The following ABCB6 variants were observed in gnomAD, a reference collection of about 807,000 sequenced individuals.
ABCB6 encodes ATP-binding cassette sub-family B member 6.
A neutral mutation model predicts 99.4 loss-of-function variants in ABCB6; 87 were observed. The observed-to-expected ratio is 0.88, with a 90% confidence interval of 0.74 to 1.05. The LOEUF is 1.05. Among genes scored for constraint, ABCB6 ranks in the 50% least tolerant of loss-of-function variants. The pLI, the probability that ABCB6 is intolerant of heterozygous loss-of-function variation, is 0.00. For missense variants in ABCB6, 1,050 were observed against 1,097.9 expected (o/e 0.96, Z 0.62); for synonymous variants, 482 against 447.5 (o/e 1.08, Z -0.97).
rs1316882179 is a variant in ABCB6 at position 219,217,795 on chromosome 2, G to A, written c.562C>T (p.Leu188=). ...ADLGQQVQFS[L]WVLRYVVSGG... is the part of the protein sequence containing the mutation. ...GAGACCACATACCGCAGCACCCACA[G>A]GCTAAACTGAACCTAGAATGAAATA... Residue 188 remains leucine (L), a synonymous_variant, in exon 2 of 19, where the codon CTG becomes TTG. Transcript: ENST00000265316. The A allele has an allele frequency of 6.2e-7, 1 of 1,611,686 alleles. No individual in the cohort carries two copies. Among genetic ancestry groups the A allele is most frequent in the Non-Finnish European group, 8.5e-7 (1 of 1,179,332 alleles).
Position 219,214,413 on chromosome 2 carries a change from C to T in ABCB6, c.1362G>A (p.Val454=), listed in dbSNP as rs1950615056. Residue 454 remains valine (V), a synonymous_variant, in exon 7 of 19, where the codon GTG becomes GTA. Transcript: ENST00000265316. ...CCGTCTCGAAGTTTAGCAGAGAGTC[C>T]ACTGCTCGTGCCCGGGTAGCGTTCT... ...TQENATRARA[V]DSLLNFETVK... 6.2e-7 allele frequency: 1 copy of T among 1,614,170 alleles called. No homozygotes were observed. Among genetic ancestry groups the T allele is most frequent in the African/African-American group, 1.3e-5 (1 of 75,054 alleles).
rs775010458 is a variant in ABCB6 at position 219,218,389 on chromosome 2, C to T, written c.285G>A (p.Val95=). The change falls in exon 1 of 19, where the codon GTG becomes GTA. Residue 95 remains valine, a synonymous_variant. Coordinates refer to ENST00000265316, the MANE Select transcript of ABCB6 (RefSeq NM_005689.4). ...ALPLAGLAGR[V]GTARGAPLPS... ...GCAGTGGGGCCCCCCGGGCAGTGCC[C>T]ACCCGGCCAGCCAGGCCGGCCAGGG... 1.2e-6 allele frequency: 2 copies of T among 1,612,384 alleles called. No individual in the cohort carries two copies. Among genetic ancestry groups the T allele is most frequent in the Non-Finnish European group, 1.7e-6 (2 of 1,179,644 alleles).
chr2:219,213,811 A>G lies in ABCB6; in HGVS notation c.1578+15T>C. ...TTCCTTGTGCCCCACTCTCTCATCC[A>G]AGATCCTGCCTCACCTGTAGCTTCT... On this transcript the variant is annotated intron_variant, in intron 9 of 18. Coordinates refer to ENST00000265316, the MANE Select transcript of ABCB6 (RefSeq NM_005689.4). 3 of 1,613,952 alleles carry G rather than the reference A, an allele frequency of 1.9e-6. No individual in the cohort carries two copies. Among genetic ancestry groups the G allele is most frequent in the Non-Finnish European group, 2.5e-6 (3 of 1,179,956 alleles).
At chr2:219,215,376 T>C (rs1301783509) in intron 5 of ABCB6, 1 of 331,832 alleles carries the variant, frequency 3.0e-6, no homozygotes, top group East Asian at 6.9e-5. Context: ...ACCATTTGTT[T>C]TAGGAAAAAC....
chr2:219,210,060 A>C lies in ABCB6; in HGVS notation c.2421-14T>G, dbSNP rs765654061. ...AGAGCCTCGTGTCTGGGGTGAGGAGAAAAGTGTGAGTCCTAACCATTAGTT... is the reference window on the plus strand; with the variant it reads ...AGAGCCTCGTGTCTGGGGTGAGGAGCAAAGTGTGAGTCCTAACCATTAGTT... On this transcript the variant is annotated splice_polypyrimidine_tract_variant and intron_variant, in intron 18 of 18. Coordinates refer to ENST00000265316, the MANE Select transcript of ABCB6 (RefSeq NM_005689.4). 3.7e-6 allele frequency: 6 copies of C among 1,612,400 alleles called. No homozygotes were observed. The highest frequency in any genetic ancestry group is 5.1e-6 in the Non-Finnish European group (6 of 1,178,728).
rs1236424213 is a variant in ABCB6, at chr2:219,218,950, C to A, written c.-277G>T. On this transcript the variant is annotated 5_prime_UTR_variant, in exon 1 of 19. Coordinates refer to ENST00000265316, the MANE Select transcript of ABCB6 (RefSeq NM_005689.4). ...GGGACCCTCCTGCCAACTGCAGGCC[C>A]ACGGGAATGCTCGGTGTTGGACTCG... The A allele has an allele frequency of 4.8e-6, 2 of 412,706 alleles. No individual in the cohort carries two copies. Among genetic ancestry groups the A allele is most frequent in the Non-Finnish European group, 8.7e-6 (2 of 230,970 alleles). 25.6% of individuals were successfully genotyped at this position (412,706 alleles called of 1,614,324 possible). A position where few individuals can be genotyped will look rare whatever the true frequency, so the allele number is the denominator to read the frequency against.
At position 219,210,691 on chromosome 2, in the gene ABCB6, G is replaced by T. The variant is rs1389646155; in HGVS notation, c.2256+20C>A. On this transcript the variant is annotated intron_variant, in intron 16 of 18. Transcript: ENST00000265316. ...GAGCATACACAAGGCAGGAAGGAGG[G>T]GAGGAGACCCAGGGCGCACCTCATC... 1 of 1,613,164 alleles carries T rather than the reference G, an allele frequency of 6.2e-7. No homozygotes were observed. Among genetic ancestry groups the T allele is most frequent in the Non-Finnish European group, 8.5e-7 (1 of 1,179,836 alleles).
intron 6 of ABCB6, 59 bp from the exon 7 acceptor site, chr2:219,214,557 A>C: frequency 1.6e-6 from 2 of 1,260,800 alleles, no homozygotes; most frequent in Non-Finnish European, 2.3e-6. Context: ...CAGAGACCAA[A>C]TGTCAATGTC....
chr2:219,217,888 G>A, intron 1 of ABCB6, 81 bp from the exon 2 acceptor site: 1 of 1,531,448 alleles, frequency 6.5e-7, no homozygotes. Flanking sequence ...GCCGGGGACT[G>A]GTGTCATGAA....
rs769298194 is a variant in ABCB6, at chr2:219,213,318, G to A, written c.1728C>T (p.Asp576=). Residue 576 remains aspartate, a synonymous_variant, in exon 12 of 19, where the codon GAC becomes GAT. Coordinates refer to ENST00000265316, the MANE Select transcript of ABCB6 (RefSeq NM_005689.4). ...AGCGAAGGGGCCCTGCTCCAGGAAG[G>A]TCCTTCACCTGGAAGGGCACCACCC... is the stretch of plus-strand genomic sequence containing the variant. The part of the protein sequence containing the change: ...DLLKEETEVK[D]LPGAGPLRFQ... 8.1e-6 allele frequency: 13 copies of A among 1,613,918 alleles called. No individual in the cohort carries two copies. The East Asian group carries it at 2.0e-4, about 25-fold the overall frequency.
Position 219,211,023 on chromosome 2 carries a change from C to T in ABCB6, c.2054G>A (p.Arg685His), listed in dbSNP as rs769593420. The change falls in exon 15 of 19, where the codon CGT (arginine) becomes CAT (histidine). Residue 685 changes from arginine to histidine, a missense_variant. By Grantham distance (29) the Arg-to-His change is conservative. Coordinates refer to ENST00000265316, the MANE Select transcript of ABCB6 (RefSeq NM_005689.4). ...LFNDTIADNIRYGRVTAGNDE... is the reference protein window; with the variant it reads ...LFNDTIADNIHYGRVTAGNDE... ...ATTCCCAGCTGTGACACGGCCGTAA[C>T]GGATATTGTCGGCGATGGTGTCATT... is the stretch of plus-strand genomic sequence containing the variant. 2.5e-5 allele frequency: 41 copies of T among 1,613,988 alleles called. No homozygotes were observed. Among genetic ancestry groups the T allele is most frequent in the South Asian group, 2.0e-4 (18 of 91,078 alleles).
intron 5 of ABCB6, 65 bp from the exon 6 acceptor site, chr2:219,215,147 G>GGCA: frequency 6.2e-7 from 1 of 1,600,588 alleles, no homozygotes; most frequent in Non-Finnish European, 8.5e-7. Flanking sequence ...CCTGCCTCTA[G>GGCA]GCATTTCAGG....
At chr2:219,215,405 G>A (rs1950627470) in intron 5 of ABCB6, 2 of 295,386 alleles carry the variant, frequency 6.8e-6, no homozygotes, top group Non-Finnish European at 1.3e-5. Context: ...TGCCATATTA[G>A]TTCTGTGAGT....
At chr2:219,215,894 A>G (rs1425024380) in intron 5 of ABCB6, 103 bp downstream of exon 5, 1 of 1,258,000 alleles carries the variant, frequency 7.9e-7, no homozygotes, top group East Asian at 2.6e-5. Flanking sequence ...CCAAGGTGGG[A>G]GCGGCAGCTT....
chr2:219,214,100 G>A, intron 8 of ABCB6, 21 bp downstream of exon 8: 2 of 1,613,712 alleles, frequency 1.2e-6, no homozygotes, highest in Non-Finnish European at 1.7e-6. Flanking sequence ...TTCTCCGGAG[G>A]CCTCAAACTA....
In ABCB6 at chr2:219,216,930, G is replaced by A. The variant is rs975774668; in HGVS notation, c.688-98C>T. 9.0e-7 allele frequency: 1 copy of A among 1,109,372 alleles called. No homozygotes were observed. Among genetic ancestry groups the A allele is most frequent in the Non-Finnish European group, 1.3e-6 (1 of 798,556 alleles). The allele number at this position is 1,109,372 out of a possible 1,614,324, so 68.7% of individuals were successfully genotyped here. A position where few individuals can be genotyped will look rare whatever the true frequency, so the allele number is the denominator to read the frequency against. ...AAAACCTATGGGGTTACAGCTCCCA[G>A]GTATCTCAGACCCACAAGTGATCCT... On this transcript the variant is annotated intron_variant, in intron 2 of 18. Transcript: ENST00000265316. This position sits in a 1 kb window ranked among gnomAD's most constrained non-coding sequence, Gnocchi z 4.2.
intron 14 of ABCB6, 58 bp downstream of exon 14, chr2:219,212,329 C>G: frequency 6.8e-7 from 1 of 1,466,682 alleles, no homozygotes; most frequent in Non-Finnish European, 9.6e-7. Flanking sequence ...ACAGCCAGCC[C>G]TTATCATTCC....
chr2:219,212,503 G>A lies in ABCB6; in HGVS notation c.1864-12C>T, dbSNP rs749927798. Reference sequence around the variant, plus strand: ...CCAGATGGGCCCACCTGTTGCATTGGAAATGGGAAAAATCTCAGGCCCACT... The same window carrying A: ...CCAGATGGGCCCACCTGTTGCATTGAAAATGGGAAAAATCTCAGGCCCACT... On this transcript the variant is annotated splice_polypyrimidine_tract_variant and intron_variant, in intron 13 of 18. Coordinates refer to ENST00000265316, the MANE Select transcript of ABCB6 (RefSeq NM_005689.4). 3 of 1,609,150 alleles carry A rather than the reference G, an allele frequency of 1.9e-6. No homozygotes were observed. Among genetic ancestry groups the A allele is most frequent in the Admixed American group, 3.4e-5 (2 of 59,682 alleles).
intron 16 of ABCB6, 77 bp downstream of exon 16, chr2:219,210,634 T>C (rs761872534): frequency 1.4e-5 from 23 of 1,607,222 alleles, no homozygotes; most frequent in Non-Finnish European, 2.0e-5. Context: ...GTATCTGTTC[T>C]AGGTGGGGAC....
Sources: gnomAD v4.1 joint callset for allele counts on GRCh38, gnomAD v4.1.1 for gene constraint, Gnocchi (gnomAD v3.1) non-coding constraint, MANE v1.5 for transcripts, NCBI Gene and HGNC (gene_info 2026-07-23, HGNC 2026-07-21) for gene names.